Variants in PTCHD4 observed in about 807,000 individuals in gnomAD.
PTCHD4 encodes the protein patched domain containing 4.
A neutral mutation model predicts 58.1 loss-of-function variants in PTCHD4; 33 were observed. That is an observed-to-expected ratio of 0.57 (90% CI 0.43 to 0.76). PTCHD4 has a LOEUF of 0.76. PTCHD4 is among the 30% of genes least tolerant of loss of function. The pLI is 0.00. For synonymous variants in PTCHD4, 478 were observed against 409.6 expected (o/e 1.17, Z -2.02); for missense variants, 1,058 against 1,027.1 (o/e 1.03, Z -0.41).
At chr6:48,028,895 C>T (rs758319245) in intron 3 of PTCHD4, among the ~76,000 whole-genome samples, 48 of 151,980 alleles carry the variant, frequency 3.2e-4, no homozygotes, top group Non-Finnish European at 3.5e-4. Flanking sequence ...CAGAAAATCT[C>T]AAAGGATTTG....
chr6:48,023,394 A>G (rs1763134070), intron 3 of PTCHD4, among the ~76,000 whole-genome samples: 1 of 152,196 alleles, frequency 6.6e-6, no homozygotes, highest in African/African-American at 2.4e-5. Context: ...AAAAATATTA[A>G]GCTAGATAGT....
chr6:48,040,570 A>G (rs1286828561), intron 3 of PTCHD4, among the ~76,000 whole-genome samples: 1 of 152,106 alleles, frequency 6.6e-6, no homozygotes, highest in African/African-American at 2.4e-5. Flanking sequence ...GTGGTTCTAT[A>G]TTACGAACAA....
At chr6:47,955,446 TGATGAA>T (rs1766821301) in intron 4 of PTCHD4, among the ~76,000 whole-genome samples, 1 of 152,176 alleles carries the variant, frequency 6.6e-6, no homozygotes, top group African/African-American at 2.4e-5. Context: ...GGCTTGCATG[TGATGAA>T]GAGAAACAGC....
Position 47,866,506 on chromosome 6 carries a change from A to ACC in PTCHD4, c.*11796_*11797insGG, listed in dbSNP as rs1366026646. Among the ~76,000 whole-genome samples the ACC allele has an allele frequency of 6.6e-6, 1 of 151,794 alleles. No individual in the cohort carries two copies. Among genetic ancestry groups the ACC allele is most frequent in the Non-Finnish European group, 1.5e-5 (1 of 67,850 alleles). On this transcript the variant is annotated 3_prime_UTR_variant, in exon 5 of 5. Coordinates refer to ENST00000339488, the MANE Select transcript of PTCHD4 (RefSeq NM_001384253.1). ...TTGTTGACCATGGTCTCGTATGGCC[A>ACC]CTTGGTTGTTGGATTTATCTCCATT...
chr6:47,977,673 T>C (rs1414477786), intron 4 of PTCHD4, among the ~76,000 whole-genome samples: 4 of 152,130 alleles, frequency 2.6e-5, no homozygotes, highest in African/African-American at 9.7e-5. Context: ...CATAGGATAA[T>C]TTGTTATGCT....
In PTCHD4 at chr6:47,893,277, G is replaced by A. The variant is rs192012021; in HGVS notation, c.899-13341C>T. Among the ~76,000 whole-genome samples the A allele has an allele frequency of 6.2e-3, 938 of 152,256 alleles. 4 individuals carry two copies. The highest frequency in any genetic ancestry group is 9.1e-3 in the Non-Finnish European group (622 of 68,010). On this transcript the variant is annotated intron_variant, in intron 4 of 4. Transcript: ENST00000339488. ...GTCCACCTCAGCCTCCCAAAGTACT[G>A]GGATTACAGGCGCGAGCCACAACGA...
chr6:47,981,615 C>G lies in PTCHD4; in HGVS notation c.898+27019G>C, dbSNP rs370015297. ...TATGTTCTTTTCTTAATTTTGTGTG[C>G]TAGTGCCTCTCTTTACTAAATAGAG... On this transcript the variant is annotated intron_variant, in intron 4 of 4. Transcript: ENST00000339488. Among the ~76,000 whole-genome samples, 171 of 152,250 alleles carry G rather than the reference C, an allele frequency of 1.1e-3. 1 individual carries two copies. In the South Asian group the frequency reaches 0.033, roughly 30 times the overall value.
At chr6:47,891,340 GTTATCTTCTCGAC>G (rs781738804) in intron 4 of PTCHD4, among the ~76,000 whole-genome samples, 5 of 151,592 alleles carry the variant, frequency 3.3e-5, no homozygotes, top group Non-Finnish European at 7.4e-5. Flanking sequence ...TGTGTTGAGT[GTTATCTTCTCGAC>G]CACAGACAAC....
intron 4 of PTCHD4, among the ~76,000 whole-genome samples, chr6:47,936,294 T>C (rs1034303134): frequency 2.0e-5 from 3 of 152,214 alleles, no homozygotes; most frequent in African/African-American, 4.8e-5. Flanking sequence ...ACATAGAGGA[T>C]GATTCTTTGT....
rs528344646 is a variant in PTCHD4 at position 47,864,965 on chromosome 6, T to C, written c.*13338A>G. ...GCATGTGCCTTATACATAACTTTCATAGAAGATGACTGCAGAGCAGATCTC... is the reference window on the plus strand; with the variant it reads ...GCATGTGCCTTATACATAACTTTCACAGAAGATGACTGCAGAGCAGATCTC... On this transcript the variant is annotated 3_prime_UTR_variant, in exon 5 of 5. Coordinates refer to ENST00000339488, the MANE Select transcript of PTCHD4 (RefSeq NM_001384253.1). Among the ~76,000 whole-genome samples, 4 of 152,088 alleles carry C rather than the reference T, an allele frequency of 2.6e-5. No individual in the cohort carries two copies. The highest frequency in any genetic ancestry group is 4.8e-5 in the African/African-American group (2 of 41,548).
At chr6:48,079,533 C>T (rs904877188) in intron 1 of PTCHD4, among the ~76,000 whole-genome samples, 2 of 151,496 alleles carry the variant, frequency 1.3e-5, no homozygotes, top group African/African-American at 4.9e-5. Flanking sequence ...CTTCTGGTAA[C>T]AGCATCCCTG....
intron 3 of PTCHD4, among the ~76,000 whole-genome samples, chr6:48,043,512 A>C (rs1763921206): frequency 6.6e-6 from 1 of 151,882 alleles, no homozygotes; most frequent in Non-Finnish European, 1.5e-5. Flanking sequence ...TCAAAGTTTT[A>C]CCTTAAGTAC....
intron 3 of PTCHD4, among the ~76,000 whole-genome samples, chr6:48,022,096 GA>G (rs1269631924): frequency 2.3e-4 from 35 of 152,068 alleles, no homozygotes; most frequent in Non-Finnish European, 2.9e-4. Context: ...TACTGAATAT[GA>G]TTGAGATTTT....
chr6:48,104,091 A>G (rs1243387180), intron 1 of PTCHD4, among the ~76,000 whole-genome samples: 1 of 152,228 alleles, frequency 6.6e-6, no homozygotes, highest in Non-Finnish European at 1.5e-5. Context: ...AATTCGGGAA[A>G]TACAGAGAAT....
At chr6:48,012,484 G>C (rs1472763787) in intron 3 of PTCHD4, among the ~76,000 whole-genome samples, 1 of 152,114 alleles carries the variant, frequency 6.6e-6, no homozygotes, top group East Asian at 1.9e-4. Flanking sequence ...CTGAGACAGT[G>C]GGATTTTCTA....
At chr6:47,916,194 C>A (rs1276990048) in intron 4 of PTCHD4, among the ~76,000 whole-genome samples, 1 of 152,064 alleles carries the variant, frequency 6.6e-6, no homozygotes, top group South Asian at 2.1e-4. Context: ...ATTCTCCTCT[C>A]GGTTCCTGTG....
rs555594360 is a variant in PTCHD4 at position 47,973,668 on chromosome 6, G to A, written c.898+34966C>T. On this transcript the variant is annotated intron_variant, in intron 4 of 4. Coordinates refer to ENST00000339488, the MANE Select transcript of PTCHD4 (RefSeq NM_001384253.1). ...TAGGGCAGTAGCTGTATATCTATAA[G>A]TATGGAAGTATTTTAGTACTTTAAC... 1.3e-4 allele frequency among the ~76,000 whole-genome samples: 20 copies of A among 152,320 alleles called. No individual in the cohort carries two copies. In the South Asian group the frequency reaches 3.5e-3, roughly 27 times the overall value.
At chr6:48,009,964 T>C (rs1762607722) in intron 3 of PTCHD4, among the ~76,000 whole-genome samples, 1 of 152,240 alleles carries the variant, frequency 6.6e-6, no homozygotes, top group Non-Finnish European at 1.5e-5. Flanking sequence ...GGCACATGTA[T>C]GTGGCCGAAG....
intron 3 of PTCHD4, among the ~76,000 whole-genome samples, chr6:48,028,233 A>G (rs925210304): frequency 6.6e-6 from 1 of 151,852 alleles, no homozygotes; most frequent in Non-Finnish European, 1.5e-5. Flanking sequence ...ATGAGTCACC[A>G]CAATTGGCCT....
Sources: allele counts gnomAD v4.1 joint callset (sites outside exome capture counted in the v4.1 genomes callset), GRCh38; gene constraint gnomAD v4.1.1; transcripts MANE v1.5; gene names NCBI Gene and HGNC (gene_info 2026-07-23, HGNC 2026-07-21).